Variants in OAS1 observed in about 807,000 individuals in gnomAD.
OAS1 encodes the protein 2'-5'-oligoadenylate synthetase 1, also known as 2'-5'-oligoadenylate synthase 1.
OAS1 carries 24 observed loss-of-function variants against 38.5 expected under a neutral mutation model. The observed-to-expected ratio is 0.62, with a 90% CI of 0.45 to 0.88. OAS1 has a LOEUF of 0.88. Ranked by LOEUF, OAS1 falls within the 40% of genes least tolerant of loss-of-function variation. The pLI is 0.00. For missense variants in OAS1, 482 were observed against 493.9 expected (o/e 0.98, Z 0.23); for synonymous variants, 169 against 193.9 (o/e 0.87, Z 1.07).
At chr12:112,927,483 T>G (rs1264402956) in intron 6 of OAS1, among the ~76,000 whole-genome samples, 3 of 152,280 alleles carry the variant, frequency 2.0e-5, no homozygotes, top group East Asian at 3.9e-4. Flanking sequence ...CCTATGAAAT[T>G]AAAGATCTTG....
intron 3 of OAS1, among the ~76,000 whole-genome samples, chr12:112,914,704 A>G (rs2043430357): frequency 8.1e-6 from 1 of 123,048 alleles, no homozygotes; most frequent in South Asian, 2.8e-4. Context: ...GATGTTGAGC[A>G]TTTTTCCATA....
At chr12:112,911,852 T>C (rs1276814729) in intron 3 of OAS1, among the ~76,000 whole-genome samples, 3 of 152,234 alleles carry the variant, frequency 2.0e-5, no homozygotes, top group African/African-American at 7.2e-5. Flanking sequence ...AGCTTATCTA[T>C]GTTTTGTGGA....
chr12:112,913,327 A>T (rs542271489), intron 3 of OAS1, among the ~76,000 whole-genome samples: 34 of 152,336 alleles, frequency 2.2e-4, no homozygotes, highest in South Asian at 6.2e-4. Flanking sequence ...CTGTGTCTTA[A>T]TGATGGGTTC....
intron 5 of OAS1, chr12:112,918,476 A>G (rs2043493794): frequency 2.9e-6 from 1 of 343,538 alleles, no homozygotes; most frequent in Admixed American, 3.7e-5. Context: ...CTTTTGATAG[A>G]ATGATTTCTT....
At chr12:112,926,160 T>A (rs899994620) in intron 6 of OAS1, among the ~76,000 whole-genome samples, 1 of 152,138 alleles carries the variant, frequency 6.6e-6, no homozygotes, top group African/African-American at 2.4e-5. Flanking sequence ...GGCAGGAGCC[T>A]GTGGGGGGTA....
chr12:112,912,494 C>G (rs2043398590), intron 3 of OAS1, among the ~76,000 whole-genome samples: 1 of 152,116 alleles, frequency 6.6e-6, no homozygotes, highest in Admixed American at 6.5e-5. Context: ...AGTAACACCT[C>G]TAGGTAAAAA....
intron 6 of OAS1, among the ~76,000 whole-genome samples, chr12:112,931,280 G>A (rs768346556): frequency 5.3e-5 from 8 of 152,170 alleles, no homozygotes; most frequent in Non-Finnish European, 1.0e-4. Flanking sequence ...TCACAACCTT[G>A]TGAGGTGGAG....
chr12:112,919,398 AAC>A lies in OAS1; in HGVS notation c.1050_1051del (p.Asn350LysfsTer5). 6.2e-7 allele frequency: 1 copy of A among 1,612,996 alleles called. No individual in the cohort carries two copies. The highest frequency in any genetic ancestry group is 2.2e-5 in the East Asian group (1 of 44,858). On this transcript the variant is annotated frameshift_variant, in exon 6 of 6. Coordinates refer to ENST00000202917, the MANE Select transcript of OAS1 (RefSeq NM_016816.4). LOFTEE classifies it low-confidence loss of function (END_TRUNC). ...TGTCTCACCCTTTCAGGCTGAAAGC[AAC>A]AGTGCAGACGATGAGACCGACGATC... is the stretch of plus-strand genomic sequence containing the variant. ...VSSWILLAES[N>X]SADDETDDPR...
At chr12:112,921,919 C>G (rs2043531964), downstream of OAS1, among the ~76,000 whole-genome samples, 1 of 152,188 alleles carries the variant, frequency 6.6e-6, no homozygotes, top group Non-Finnish European at 1.5e-5. Context: ...TTTTACCAAG[C>G]ATGTCCTTTT....
At chr12:112,919,134 G>T in intron 5 of OAS1, 1 of 454,466 alleles carries the variant, frequency 2.2e-6, no homozygotes, top group Non-Finnish European at 4.0e-6. Context: ...CCCCTACGTG[G>T]ATCACTCACT....
downstream of OAS1, among the ~76,000 whole-genome samples, chr12:112,920,451 T>A (rs1003724495): frequency 6.6e-6 from 1 of 152,252 alleles, no homozygotes; most frequent in African/African-American, 2.4e-5. Flanking sequence ...TGACAATTTT[T>A]AAATATATTT....
In OAS1 at chr12:112,917,584, T is replaced by G; in HGVS notation, c.922T>G (p.Leu308Val). Residue 308 changes from leucine (L) to valine (V), a missense_variant, in exon 5 of 6, where the codon TTG (leucine) becomes GTG (valine). By Grantham distance (32) the Leu-to-Val change is conservative. Transcript: ENST00000202917. ...ILDPADPTGNLGGGDPKGWRQ... is the reference protein window; with the variant it reads ...ILDPADPTGNVGGGDPKGWRQ... ...GGACCCGGCGGACCCTACAGGAAACTTGGGTGGTGGAGACCCAAAGGGTTG... is the reference window on the plus strand; with the variant it reads ...GGACCCGGCGGACCCTACAGGAAACGTGGGTGGTGGAGACCCAAAGGGTTG... 6.2e-7 allele frequency: 1 copy of G among 1,614,142 alleles called. No homozygotes were observed. The highest frequency in any genetic ancestry group is 8.5e-7 in the Non-Finnish European group (1 of 1,180,010).
Position 112,910,516 on chromosome 12 carries a change from G to A in OAS1, c.470-535G>A, listed in dbSNP as rs188578694. Among the ~76,000 whole-genome samples, 232 of 152,208 alleles carry A rather than the reference G, an allele frequency of 1.5e-3. 1 individual carries two copies. The highest frequency in any genetic ancestry group is 2.9e-3 in the Non-Finnish European group (200 of 68,008). ...GAGGGTCCCTGAGCCTGAGTGGCGA[G>A]AAGGAGTGAGCCTTGGGGAGATCTG... On this transcript the variant is annotated intron_variant, in intron 2 of 5. Coordinates refer to ENST00000202917, the MANE Select transcript of OAS1 (RefSeq NM_016816.4).
chr12:112,908,498 C>T, intron 1 of OAS1, 38 bp from the exon 2 acceptor site: 1 of 1,581,094 alleles, frequency 6.3e-7, no homozygotes, highest in Non-Finnish European at 8.6e-7. Flanking sequence ...AGGTTTGCCT[C>T]ACTAAGCATC....
intron 3 of OAS1, among the ~76,000 whole-genome samples, chr12:112,916,039 G>C (rs1490203128): frequency 6.6e-6 from 1 of 152,138 alleles, no homozygotes; most frequent in Non-Finnish European, 1.5e-5. Flanking sequence ...AATTTCATTT[G>C]CTTCTGTGCA....
Position 112,919,539 on chromosome 12 carries a change from T to C in OAS1, c.1189T>C (p.Cys397Arg), listed in dbSNP as rs1402227175. 6.2e-7 allele frequency: 1 copy of C among 1,614,228 alleles called. No homozygotes were observed. Among genetic ancestry groups the C allele is most frequent in the Non-Finnish European group, 8.5e-7 (1 of 1,180,036 alleles). ...CCCACAGGCAGAAGAGGACTGGACC[T>C]GCACCATCCTCTGAATGCCAGTGCA... ...STPQAEEDWT[C>R]TIL Residue 397 changes from cysteine to arginine, a missense_variant, in exon 6 of 6, where the codon TGC (cysteine) becomes CGC (arginine). Physicochemically the swap from Cys to Arg is radical, Grantham distance 180. Coordinates refer to ENST00000202917, the MANE Select transcript of OAS1 (RefSeq NM_016816.4).
chr12:112,927,574 C>G (rs117552087), intron 6 of OAS1, among the ~76,000 whole-genome samples: 10 of 152,268 alleles, frequency 6.6e-5, no homozygotes, highest in Non-Finnish European at 1.3e-4. Flanking sequence ...CACATGACAG[C>G]TTTGTACTAA....
At chr12:112,925,129 A>T (rs2043550628) in intron 6 of OAS1, among the ~76,000 whole-genome samples, 1 of 152,192 alleles carries the variant, frequency 6.6e-6, no homozygotes, top group Non-Finnish European at 1.5e-5. Context: ...GCACAGCTGG[A>T]AGTGTTCAAA....
chr12:112,914,973 A>G (rs1418915736), intron 3 of OAS1, among the ~76,000 whole-genome samples: 7 of 132,230 alleles, frequency 5.3e-5, no homozygotes, highest in African/African-American at 2.0e-4. Context: ...TTTTGATGAG[A>G]TTTTTTTTTT....
Sources: allele counts gnomAD v4.1 joint callset (sites outside exome capture counted in the v4.1 genomes callset), GRCh38; gene constraint gnomAD v4.1.1; transcripts MANE v1.5; gene names NCBI Gene and HGNC (gene_info 2026-07-23, HGNC 2026-07-21).